Variants in CNTN3 observed in about 807,000 individuals in gnomAD.
CNTN3 encodes the protein contactin 3.
Under a neutral mutation model 119.1 loss-of-function variants are expected in CNTN3, and 60 were observed. The observed-to-expected ratio is 0.50, with a 90% CI of 0.41 to 0.62. The LOEUF is 0.62. Ranked by LOEUF, CNTN3 falls within the 20% of genes least tolerant of loss-of-function variation. The pLI is 0.00. For synonymous variants in CNTN3, 450 were observed against 438.7 expected (o/e 1.03, Z -0.32); for missense variants, 1,101 against 1,242.4 (o/e 0.89, Z 1.71).
intron 4 of CNTN3, among the ~76,000 whole-genome samples, chr3:74,440,900 T>C (rs1701952669): frequency 6.6e-6 from 1 of 152,188 alleles, no homozygotes; most frequent in Non-Finnish European, 1.5e-5. Flanking sequence ...ATGATGTGCC[T>C]ATGTTATATG....
intron 1 of CNTN3, among the ~76,000 whole-genome samples, chr3:74,569,588 T>G (rs1203312385): frequency 1.3e-5 from 2 of 152,180 alleles, no homozygotes; most frequent in Non-Finnish European, 2.9e-5. Flanking sequence ...AAAAGTATCT[T>G]AAATAAGATC....
rs532388962 is a variant in CNTN3 at position 74,480,517 on chromosome 3, C to T, written c.358+5939G>A. ...AAAACTGGAAAAAAAAATCAGTAAG[C>T]GGCAATATAGGCAAGTTATTCACAC... On this transcript the variant is annotated intron_variant, in intron 4 of 22. Transcript: ENST00000263665. Among the ~76,000 whole-genome samples, 13 of 151,698 alleles carry T rather than the reference C, an allele frequency of 8.6e-5. No individual in the cohort carries two copies. In the East Asian group the frequency reaches 2.3e-3, roughly 27 times the overall value.
chr3:74,585,330 A>T (rs1575847195), intron 1 of CNTN3, among the ~76,000 whole-genome samples: 1 of 152,152 alleles, frequency 6.6e-6, no homozygotes, highest in Admixed American at 6.5e-5. Context: ...GAAGTATGTA[A>T]TTCATATTAT....
chr3:74,350,252 C>A (rs1345824898), intron 11 of CNTN3, among the ~76,000 whole-genome samples: 1 of 152,188 alleles, frequency 6.6e-6, no homozygotes, highest in South Asian at 2.1e-4. Flanking sequence ...CTTAAGGCAT[C>A]TGAGCAACAT....
chr3:74,562,355 T>A (rs746763176), intron 1 of CNTN3, among the ~76,000 whole-genome samples: 3 of 152,182 alleles, frequency 2.0e-5, no homozygotes, highest in Non-Finnish European at 4.4e-5. Context: ...ATTTTCATTG[T>A]GTGTTTTCTT....
At chr3:74,461,366 A>G (rs1702364303) in intron 4 of CNTN3, among the ~76,000 whole-genome samples, 1 of 152,020 alleles carries the variant, frequency 6.6e-6, no homozygotes, top group South Asian at 2.1e-4. Flanking sequence ...ATTAATTGCA[A>G]TATAAAATAG....
intron 21 of CNTN3, among the ~76,000 whole-genome samples, chr3:74,266,856 A>T (rs193035896): frequency 3.9e-4 from 59 of 152,246 alleles, no homozygotes; most frequent in Non-Finnish European, 1.6e-4. Flanking sequence ...GCTTGGGAAG[A>T]GTGAACTTCT....
intron 1 of CNTN3, among the ~76,000 whole-genome samples, chr3:74,569,292 C>G (rs1037582549): frequency 2.0e-5 from 3 of 152,128 alleles, no homozygotes; most frequent in Admixed American, 6.5e-5. Flanking sequence ...TGGAGTGACC[C>G]AAAGCCGATG....
intron 1 of CNTN3, among the ~76,000 whole-genome samples, chr3:74,538,710 G>A (rs957983535): frequency 6.6e-6 from 1 of 152,130 alleles, no homozygotes; most frequent in Non-Finnish European, 1.5e-5. Flanking sequence ...ACCTTTGGTA[G>A]GTGGTGCTTT....
chr3:74,558,133 T>G lies in CNTN3; in HGVS notation c.-80-36941A>C, dbSNP rs183840318. ...CTTCATGCAATTACTGGTTTTTGCA[T>G]GATATATGAAAGCCCAGTCCCCTGC... On this transcript the variant is annotated intron_variant, in intron 1 of 22. Coordinates refer to ENST00000263665, the MANE Select transcript of CNTN3 (RefSeq NM_020872.3). Among the ~76,000 whole-genome samples, 299 of 152,278 alleles carry G rather than the reference T, an allele frequency of 2.0e-3. 1 individual carries two copies. In the Middle Eastern group the frequency reaches 0.044, roughly 23 times the overall value.
intron 18 of CNTN3, 113 bp downstream of exon 18, chr3:74,297,844 T>A (rs1165303567): frequency 1.3e-6 from 1 of 752,554 alleles, no homozygotes; most frequent in East Asian, 2.7e-5. Flanking sequence ...ACTACCTGGA[T>A]GATTGTTCTT....
rs148274984 is a variant in CNTN3, at chr3:74,297,662, G to T, written c.2401+295C>A. Among the ~76,000 whole-genome samples the T allele has an allele frequency of 7.3e-3, 1,114 of 152,286 alleles. 12 individuals are homozygous for T. Among genetic ancestry groups the T allele is most frequent in the Non-Finnish European group, 0.012 (823 of 68,020 alleles). On this transcript the variant is annotated intron_variant, in intron 18 of 22. Coordinates refer to ENST00000263665, the MANE Select transcript of CNTN3 (RefSeq NM_020872.3). ...CTATCTGGTTAGGAACAAAAGGAAA[G>T]GCATTTTCTTGCATGACTTGGCTTT...
Position 74,362,046 on chromosome 3 carries a change from A to T in CNTN3, c.1214-6T>A. The T allele has an allele frequency of 6.2e-7, 1 of 1,612,736 alleles. No homozygotes were observed. Among genetic ancestry groups the T allele is most frequent in the Non-Finnish European group, 8.5e-7 (1 of 1,179,190 alleles). ...TGAAAAATCTGGAGCAGAAGCTGAAAGGCAAGAAAGGAGAGAAGGAGAAGT... is the reference window on the plus strand; with the variant it reads ...TGAAAAATCTGGAGCAGAAGCTGAATGGCAAGAAAGGAGAGAAGGAGAAGT... On this transcript the variant is annotated splice_region_variant and splice_polypyrimidine_tract_variant and intron_variant, in intron 10 of 22. Coordinates refer to ENST00000263665, the MANE Select transcript of CNTN3 (RefSeq NM_020872.3).
intron 4 of CNTN3, among the ~76,000 whole-genome samples, chr3:74,437,312 A>T (rs537660792): frequency 2.2e-3 from 334 of 152,120 alleles, no homozygotes; most frequent in Middle Eastern, 0.01. Flanking sequence ...AATACAAAAA[A>T]TTAGCCGGGT....
chr3:74,366,983 G>A (rs1285983517), intron 8 of CNTN3, among the ~76,000 whole-genome samples: 8 of 142,434 alleles, frequency 5.6e-5, no homozygotes, highest in African/African-American at 2.0e-4. Context: ...AATCCCACAA[G>A]CTTCCCATAG....
chr3:74,574,019 T>C (rs559710086), intron 1 of CNTN3, among the ~76,000 whole-genome samples: 31 of 152,222 alleles, frequency 2.0e-4, no homozygotes, highest in African/African-American at 7.5e-4. Flanking sequence ...GCATTGTTCA[T>C]AATAGGCAAA....
At chr3:74,517,586 A>G (rs1330490818) in intron 2 of CNTN3, among the ~76,000 whole-genome samples, 2 of 151,876 alleles carry the variant, frequency 1.3e-5, no homozygotes, top group Non-Finnish European at 2.9e-5. Context: ...CCTACATTCC[A>G]GTAATTCAAG....
intron 5 of CNTN3, among the ~76,000 whole-genome samples, chr3:74,397,481 G>A (rs988683077): frequency 3.4e-5 from 5 of 147,306 alleles, no homozygotes; most frequent in Middle Eastern, 3.4e-3. Context: ...AATGTTCTAT[G>A]TGTTCTGATT....
chr3:74,361,753 A>C, intron 11 of CNTN3, 137 bp downstream of exon 11: 5 of 843,148 alleles, frequency 5.9e-6, no homozygotes, highest in Non-Finnish European at 8.6e-6. Flanking sequence ...GAACAAAAAT[A>C]CTACTATTTT....
Sources: gnomAD v4.1 joint callset for allele counts (sites outside exome capture counted in the v4.1 genomes callset) on GRCh38, gnomAD v4.1.1 for gene constraint, MANE v1.5 for transcripts, NCBI Gene and HGNC (gene_info 2026-07-23, HGNC 2026-07-21) for gene names.